The following AKAP6 variants were observed in gnomAD, a reference collection of about 807,000 sequenced individuals.
AKAP6 encodes A-kinase anchoring protein 6, also known as A-kinase anchor protein 6.
Under a neutral mutation model 188.5 loss-of-function variants are expected in AKAP6, and 58 were observed. The observed-to-expected ratio is 0.31, with a 90% CI of 0.25 to 0.38. The LOEUF (loss-of-function observed/expected upper bound fraction) is 0.38. Among genes scored for constraint, AKAP6 ranks in the 10% least tolerant of loss-of-function variants. The pLI, the probability that AKAP6 is intolerant of heterozygous loss-of-function variation, is 1.00. For missense variants in AKAP6, 2,710 were observed against 2,740.0 expected, an observed-to-expected ratio of 0.99 and a Z score of 0.24; for synonymous variants, 989 against 998.6, an observed-to-expected ratio of 0.99 and a Z score of 0.18.
At chr14:32,804,823 G>GTATT (rs1396206741) in intron 12 of AKAP6, among the ~76,000 whole-genome samples, 1 of 151,984 alleles carries the variant, frequency 6.6e-6, no homozygotes, top group Admixed American at 6.6e-5. Flanking sequence ...CTTTCCCAGG[G>GTATT]TATTAATATT....
intron 11 of AKAP6, among the ~76,000 whole-genome samples, chr14:32,769,751 A>G (rs1387266348): frequency 6.6e-6 from 1 of 151,828 alleles, no homozygotes; most frequent in African/African-American, 2.4e-5. Flanking sequence ...TTAAAGTATT[A>G]TTTTCCTTCT....
intron 12 of AKAP6, among the ~76,000 whole-genome samples, chr14:32,811,312 A>G (rs1381529168): frequency 2.0e-5 from 3 of 151,172 alleles, no homozygotes; most frequent in African/African-American, 7.3e-5. Context: ...TAATTTGCTA[A>G]TTCAAACTGA....
intron 2 of AKAP6, among the ~76,000 whole-genome samples, chr14:32,529,929 A>T (rs751155282): frequency 1.2e-4 from 18 of 151,230 alleles, no homozygotes; most frequent in Non-Finnish European, 2.4e-4. Context: ...TGTAATAAAC[A>T]CATACACATA....
intron 12 of AKAP6, among the ~76,000 whole-genome samples, chr14:32,786,311 T>TGTTTTTTTTTTTTG (rs1488628423): frequency 2.1e-5 from 2 of 96,542 alleles, no homozygotes; most frequent in African/African-American, 3.7e-5. Flanking sequence ...TTTTTTTTTT[T>TGTTTTTTTTTTTTG]TTTTTTTTTT....
intron 1 of AKAP6, among the ~76,000 whole-genome samples, chr14:32,382,832 A>T (rs1282103090): frequency 3.3e-5 from 5 of 152,064 alleles, no homozygotes; most frequent in Non-Finnish European, 7.4e-5. Context: ...AGTGATTTGG[A>T]TGTGGTTGCC....
intron 9 of AKAP6, among the ~76,000 whole-genome samples, chr14:32,698,960 C>G (rs1890516431): frequency 6.6e-6 from 1 of 152,118 alleles, no homozygotes; most frequent in Admixed American, 6.5e-5. Flanking sequence ...CTTTGTTCTT[C>G]TCTCCCTGGG....
At chr14:32,757,159 T>G (rs1364156014) in intron 11 of AKAP6, among the ~76,000 whole-genome samples, 1 of 152,194 alleles carries the variant, frequency 6.6e-6, no homozygotes, top group Non-Finnish European at 1.5e-5. Flanking sequence ...CTTCCTAGCC[T>G]TTTCAATACA....
chr14:32,540,192 A>ATATATTTTTTTT (rs1406480125), intron 3 of AKAP6, among the ~76,000 whole-genome samples: 80 of 123,384 alleles, frequency 6.5e-4, no homozygotes, highest in Middle Eastern at 9.6e-3. Flanking sequence ...ATATATATAT[A>ATATATTTTTTTT]TTTTAATTTT....
At chr14:32,750,632 GA>G (rs1314140459) in intron 11 of AKAP6, among the ~76,000 whole-genome samples, 1 of 152,024 alleles carries the variant, frequency 6.6e-6, no homozygotes, top group Non-Finnish European at 1.5e-5. Context: ...TTAGGAGGCT[GA>G]AGTGAGAAGA....
intron 1 of AKAP6, among the ~76,000 whole-genome samples, chr14:32,395,376 C>G (rs1242967192): frequency 6.6e-6 from 1 of 152,042 alleles, no homozygotes; most frequent in Non-Finnish European, 1.5e-5. Context: ...AGCCCTTGAG[C>G]CCCCACAAGA....
chr14:32,637,214 A>G (rs1217362232), intron 7 of AKAP6, among the ~76,000 whole-genome samples: 1 of 152,146 alleles, frequency 6.6e-6, no homozygotes, highest in Non-Finnish European at 1.5e-5. Flanking sequence ...AGCTTATGAT[A>G]TGTCATAATA....
intron 5 of AKAP6, among the ~76,000 whole-genome samples, chr14:32,588,069 A>G (rs529620662): frequency 6.6e-6 from 1 of 152,256 alleles, no homozygotes; most frequent in Non-Finnish European, 1.5e-5. Flanking sequence ...TGTGTTAAAC[A>G]GCATAAAATT....
chr14:32,746,551 A>G (rs2031919112), intron 11 of AKAP6, among the ~76,000 whole-genome samples: 1 of 152,264 alleles, frequency 6.6e-6, no homozygotes, highest in South Asian at 2.1e-4. Flanking sequence ...GAGATGCAAG[A>G]CAGTCAGAGT....
chr14:32,754,111 C>T (rs1241797020), intron 11 of AKAP6, among the ~76,000 whole-genome samples: 2 of 152,008 alleles, frequency 1.3e-5, no homozygotes, highest in African/African-American at 4.8e-5. Context: ...GTATTGAAGG[C>T]TCCTACTATA....
chr14:32,388,097 T>G (rs1470139629), intron 1 of AKAP6, among the ~76,000 whole-genome samples: 3 of 152,130 alleles, frequency 2.0e-5, no homozygotes, highest in African/African-American at 7.2e-5. Context: ...TCCAGGAATT[T>G]ATCCATCTCT....
At chr14:32,712,251 A>T (rs1432133568) in intron 9 of AKAP6, among the ~76,000 whole-genome samples, 2 of 151,986 alleles carry the variant, frequency 1.3e-5, no homozygotes, top group Non-Finnish European at 2.9e-5. Context: ...TACTTAATTT[A>T]AAAAAATTTT....
chr14:32,519,564 G>T (rs567987359), intron 2 of AKAP6, among the ~76,000 whole-genome samples: 1 of 152,168 alleles, frequency 6.6e-6, no homozygotes, highest in South Asian at 2.1e-4. Context: ...TGATAAAACA[G>T]ACCTTAAACC....
intron 9 of AKAP6, among the ~76,000 whole-genome samples, chr14:32,725,470 A>T (rs557262080): frequency 6.6e-6 from 1 of 152,002 alleles, no homozygotes; most frequent in African/African-American, 2.4e-5. Context: ...TTTCTTTTTC[A>T]CTATCCTCCT....
intron 8 of AKAP6, among the ~76,000 whole-genome samples, chr14:32,692,238 G>A (rs541953803): frequency 3.3e-5 from 5 of 152,132 alleles, no homozygotes; most frequent in Non-Finnish European, 7.4e-5. Flanking sequence ...ACTTTTGTTC[G>A]AAGGCCCATG....
Sources: allele counts gnomAD v4.1 joint callset (sites outside exome capture counted in the v4.1 genomes callset), GRCh38; gene constraint gnomAD v4.1.1; transcripts MANE v1.5; gene names NCBI Gene and HGNC (gene_info 2026-07-23, HGNC 2026-07-21).